Variants in SLC35B3 observed in about 807,000 individuals in gnomAD.
SLC35B3 encodes the protein solute carrier family 35 member B3, also known as adenosine 3'-phospho 5'-phosphosulfate transporter 2.
SLC35B3 carries 35 observed loss-of-function variants against 44.1 expected under a neutral mutation model. That is an observed-to-expected ratio of 0.79 (90% CI 0.61 to 1.05). The LOEUF (loss-of-function observed/expected upper bound fraction) is 1.05, where lower values mean the gene tolerates loss of function less well. Ranked by LOEUF, SLC35B3 falls within the 50% of genes least tolerant of loss-of-function variation. SLC35B3 has a pLI of 0.00. For synonymous variants in SLC35B3, 146 were observed against 167.3 expected, an observed-to-expected ratio of 0.87 and a Z score of 0.98; for missense variants, 414 against 476.4, an observed-to-expected ratio of 0.87 and a Z score of 1.22.
chr6:8,435,553 C>T, upstream of SLC35B3: 1 of 412,660 alleles, frequency 2.4e-6, no homozygotes, highest in Non-Finnish European at 4.4e-6. The surrounding 1 kb of genome is among the most constrained non-coding windows in gnomAD (Gnocchi z 5.5). Context: ...TGTGTCCCTG[C>T]GCGCGTGCGC....
In SLC35B3 at chr6:8,422,476, TA is replaced by T; in HGVS notation, c.567del (p.Phe189LeufsTer18). 6.2e-7 allele frequency: 1 copy of T among 1,612,272 alleles called. No individual in the cohort carries two copies. Among genetic ancestry groups the T allele is most frequent in the Non-Finnish European group, 8.5e-7 (1 of 1,178,694 alleles). ...AAACATATCATTACTATACCTTGAATAAAAACTCCTCCTAGCATAACAGGAA... is the reference window on the plus strand; with the variant it reads ...AAACATATCATTACTATACCTTGAATAAAACTCCTCCTAGCATAACAGGAA... On this transcript the variant is annotated frameshift_variant, in exon 5 of 11. Transcript: ENST00000644923. LOFTEE classifies it high-confidence loss of function.
In SLC35B3 at chr6:8,435,488, G is replaced by C. The variant is rs1561770946; in HGVS notation, c.-189C>G. 1 of 954,484 alleles carries C rather than the reference G, an allele frequency of 1.0e-6. No homozygotes were observed. Among genetic ancestry groups the C allele is most frequent in the African/African-American group, 1.7e-5 (1 of 58,436 alleles). The allele number at this position is 954,484 out of a possible 1,614,324, so 59.1% of individuals were successfully genotyped here. A position where few individuals can be genotyped will look rare whatever the true frequency, so the allele number is the denominator to read the frequency against. On this transcript the variant is annotated 5_prime_UTR_variant, in exon 1 of 11. Transcript: ENST00000644923. The surrounding 1 kb of genome is among the most constrained non-coding windows in gnomAD (Gnocchi z 5.5). ...CACTCCTGCACTTTCCACCGCGGCG[G>C]TCGCCTCCCCGGAAAGCACTCTCAA...
rs777149361 is a variant in SLC35B3, at chr6:8,434,652, A to T, written c.-43-222T>A. On this transcript the variant is annotated intron_variant, in intron 1 of 10. Coordinates refer to ENST00000644923, the MANE Select transcript of SLC35B3 (RefSeq NM_001370476.2). The surrounding 1 kb of genome is among the most constrained non-coding windows in gnomAD (Gnocchi z 6.3). Reference sequence around the variant, plus strand: ...AATGCTGCCTCTCTTCCAAGTTCCAAACTATCTCAATTCACTTAGAAAAAC... The same window carrying T: ...AATGCTGCCTCTCTTCCAAGTTCCATACTATCTCAATTCACTTAGAAAAAC... Among the ~76,000 whole-genome samples the T allele has an allele frequency of 3.3e-5, 5 of 152,200 alleles. No homozygotes were observed. The highest frequency in any genetic ancestry group is 7.3e-5 in the Non-Finnish European group (5 of 68,034).
rs1764221123 is a variant in SLC35B3 at position 8,433,846 on chromosome 6, A to G, written c.3+539T>C. Among the ~76,000 whole-genome samples the G allele has an allele frequency of 6.6e-6, 1 of 151,854 alleles. No homozygotes were observed. The highest frequency in any genetic ancestry group is 1.5e-5 in the Non-Finnish European group (1 of 67,978). ...ACCTAATAACTGTGATCATTGGGGA[A>G]TGTCTGCCATATCCCTTCCACTTCA... is the stretch of plus-strand genomic sequence containing the variant. On this transcript the variant is annotated intron_variant, in intron 2 of 10. Coordinates refer to ENST00000644923, the MANE Select transcript of SLC35B3 (RefSeq NM_001370476.2). The surrounding 1 kb of genome is among the most constrained non-coding windows in gnomAD (Gnocchi z 4.1).
chr6:8,422,635 C>A lies in SLC35B3; in HGVS notation c.420-11G>T. 6.3e-7 allele frequency: 1 copy of A among 1,598,348 alleles called. No individual in the cohort carries two copies. The highest frequency in any genetic ancestry group is 8.5e-7 in the Non-Finnish European group (1 of 1,174,446). ...GTTTTTCCTGGTATTCTGTAAAAGA[C>A]AATTTTTAAAACCTTCATTTTGGGA... On this transcript the variant is annotated splice_polypyrimidine_tract_variant and intron_variant, in intron 4 of 10. Coordinates refer to ENST00000644923, the MANE Select transcript of SLC35B3 (RefSeq NM_001370476.2).
chr6:8,435,155 C>T lies in SLC35B3; in HGVS notation c.-44+188G>A. The T allele has an allele frequency of 7.8e-7, 1 of 1,284,552 alleles. No individual in the cohort carries two copies. The allele number at this position is 1,284,552 out of a possible 1,614,324, so 79.6% of individuals were successfully genotyped here. A position where few individuals can be genotyped will look rare whatever the true frequency, so the allele number is the denominator to read the frequency against. ...AAAAACGGGCGAGGAGGAACAGATG[C>T]TCCTCCCTGGAAACCGCCCGGCCGG... On this transcript the variant is annotated intron_variant, in intron 1 of 10. Transcript: ENST00000644923. This position sits in a 1 kb window ranked among gnomAD's most constrained non-coding sequence, Gnocchi z 5.5.
chr6:8,413,607 T>C lies in SLC35B3; in HGVS notation c.1148A>G (p.Asp383Gly). ...TGCTTCCACTGATTTGTTTATCAAA[T>C]CATACAGTGATGGTAGTCTTATTTT... Residue 383 changes from aspartate to glycine, a missense_variant, in exon 11 of 11, where the codon GAT (aspartate) becomes GGT (glycine). By Grantham distance (94) the Asp-to-Gly change is moderately conservative (BLOSUM62 -1). Coordinates refer to ENST00000644923, the MANE Select transcript of SLC35B3 (RefSeq NM_001370476.2). 6.2e-7 allele frequency: 1 copy of C among 1,607,602 alleles called. No homozygotes were observed. Among genetic ancestry groups the C allele is most frequent in the Non-Finnish European group, 8.5e-7 (1 of 1,176,774 alleles).
At chr6:8,416,847 G>T in intron 9 of SLC35B3, 37 bp downstream of exon 8, 1 of 1,064,930 alleles carries the variant, frequency 9.4e-7, no homozygotes, top group South Asian at 1.5e-5. Flanking sequence ...AAATGTAAAT[G>T]CTTATTTTAT....
At chr6:8,423,354 T>TTA (rs1178195551) in intron 4 of SLC35B3, among the ~76,000 whole-genome samples, 1 of 152,204 alleles carries the variant, frequency 6.6e-6, no homozygotes, top group Non-Finnish European at 1.5e-5. Flanking sequence ...TTATAATATC[T>TTA]TATAGATCAT....
At chr6:8,415,012 A>G (rs1762291161) in intron 9 of SLC35B3, 35 bp from the exon 9 acceptor site, 1 of 1,363,446 alleles carries the variant, frequency 7.3e-7, no homozygotes, top group African/African-American at 1.4e-5. Context: ...GAATGTGCCT[A>G]TTATCTTGAC....
At chr6:8,428,964 T>C (rs3799255) in intron 3 of SLC35B3, among the ~76,000 whole-genome samples, 75,904 of 151,936 alleles carry the variant, frequency 0.5, 19,865 homozygotes, top group African/African-American at 0.67. Context: ...CACAATTCCA[T>C]GTTCACTTAC....
intron 4 of SLC35B3, 68 bp downstream of exon 3, chr6:8,427,869 G>T: frequency 7.2e-7 from 1 of 1,390,246 alleles, no homozygotes; most frequent in Non-Finnish European, 9.9e-7. Context: ...TAAATTTCAT[G>T]CATATTCAGT....
At chr6:8,423,783 T>C (rs549090629) in intron 4 of SLC35B3, among the ~76,000 whole-genome samples, 1 of 152,324 alleles carries the variant, frequency 6.6e-6, no homozygotes, top group African/African-American at 2.4e-5. Flanking sequence ...TTTTTTCTAC[T>C]TAACTACTAA....
At chr6:8,429,768 C>T (rs1463268898) in intron 3 of SLC35B3, 96 bp downstream of exon 2, 1 of 830,508 alleles carries the variant, frequency 1.2e-6, no homozygotes, top group Admixed American at 3.1e-5. Flanking sequence ...CAGCCAGTAT[C>T]CCCTAAGTGA....
rs973315253 is a variant in SLC35B3 at position 8,434,004 on chromosome 6, T to C, written c.3+381A>G. On this transcript the variant is annotated intron_variant, in intron 2 of 10. Transcript: ENST00000644923. This position sits in a 1 kb window ranked among gnomAD's most constrained non-coding sequence, Gnocchi z 6.3. ...AAATGATCAACATTGTGCTTTGCTT[T>C]TGAAGCTCACAGTAATCAGTGAAAC... Among the ~76,000 whole-genome samples the C allele has an allele frequency of 2.0e-5, 3 of 150,370 alleles. No homozygotes were observed. Among genetic ancestry groups the C allele is most frequent in the Non-Finnish European group, 2.9e-5 (2 of 67,880 alleles).
intron 3 of SLC35B3, among the ~76,000 whole-genome samples, chr6:8,428,368 A>G (rs921619978): frequency 6.6e-6 from 1 of 152,176 alleles, no homozygotes; most frequent in African/African-American, 2.4e-5. Flanking sequence ...AGTTATTCTA[A>G]TAGTTATCTG....
intron 2 of SLC35B3, among the ~76,000 whole-genome samples, chr6:8,430,418 AT>A (rs1241323328): frequency 1.7e-5 from 2 of 118,414 alleles, no homozygotes; most frequent in Non-Finnish European, 3.4e-5. Context: ...AAAGCTAGTT[AT>A]TTCATCAAAG....
At chr6:8,421,946 TTTTTC>T (rs1762926527) in intron 5 of SLC35B3, among the ~76,000 whole-genome samples, 1 of 152,222 alleles carries the variant, frequency 6.6e-6, no homozygotes, top group Non-Finnish European at 1.5e-5. Flanking sequence ...TTATCTTTTC[TTTTTC>T]TTAAGTCCAA....
At chr6:8,422,749 T>C (rs1222731792) in intron 4 of SLC35B3, 125 bp from the exon 4 acceptor site, 4 of 743,404 alleles carry the variant, frequency 5.4e-6, no homozygotes, top group African/African-American at 1.8e-5. Context: ...TCTGGAAATA[T>C]CAGTAAAAAA....
Sources: gnomAD v4.1 joint callset for allele counts (sites outside exome capture counted in the v4.1 genomes callset) on GRCh38, gnomAD v4.1.1 for gene constraint, Gnocchi (gnomAD v3.1) non-coding constraint, MANE v1.5 for transcripts, NCBI Gene and HGNC (gene_info 2026-07-23, HGNC 2026-07-21) for gene names.